The following LRRIQ3 variants were observed in gnomAD, a reference collection of about 807,000 sequenced individuals.
LRRIQ3 encodes the protein leucine rich repeats and IQ motif containing 3, also known as leucine-rich repeat and IQ domain-containing protein 3.
LRRIQ3 carries 75 observed loss-of-function variants against 59.3 expected under a neutral mutation model. That is an observed-to-expected ratio of 1.26 (90% CI 1.05 to 1.53). The LOEUF (loss-of-function observed/expected upper bound fraction) is 1.53, where lower values mean the gene tolerates loss of function less well. Ranked by LOEUF, LRRIQ3 falls within the 40% of genes most tolerant of loss-of-function variation. The probability of loss-of-function intolerance (pLI) is 0.00; values close to 1 mark genes in which losing one functional copy is unlikely to be tolerated. For synonymous variants in LRRIQ3, 250 were observed against 231.3 expected (o/e 1.08, Z -0.73); for missense variants, 831 against 710.0 (o/e 1.17, Z -1.94).
At chr1:74,192,629 T>C (rs1241743792) in intron 1 of LRRIQ3, among the ~76,000 whole-genome samples, 1 of 152,128 alleles carries the variant, frequency 6.6e-6, no homozygotes, top group Non-Finnish European at 1.5e-5. Flanking sequence ...TCTCTATTAA[T>C]ATTCACCTCT....
chr1:74,149,329 T>G (rs1003028070), intron 4 of LRRIQ3, among the ~76,000 whole-genome samples: 2 of 152,196 alleles, frequency 1.3e-5, no homozygotes, highest in Admixed American at 1.3e-4. Flanking sequence ...GAAAAGCACT[T>G]CAAGAATGTG....
Position 74,132,504 on chromosome 1 carries a change from T to C in LRRIQ3, c.708-22951A>G, listed in dbSNP as rs1647041814. On this transcript the variant is annotated intron_variant, in intron 4 of 7. Coordinates refer to ENST00000354431, the MANE Select transcript of LRRIQ3 (RefSeq NM_001105659.2). Reference sequence around the variant, plus strand: ...AGTAACCAAAAGAGCATGGTACTGGTACCAAAACAGAGATATAGACCAATG... The same window carrying C: ...AGTAACCAAAAGAGCATGGTACTGGCACCAAAACAGAGATATAGACCAATG... 2.6e-5 allele frequency among the ~76,000 whole-genome samples: 4 copies of C among 152,094 alleles called. No homozygotes were observed. In the South Asian group the frequency reaches 8.3e-4, roughly 31 times the overall value.
chr1:74,138,352 A>G (rs1272553545), intron 4 of LRRIQ3: 2 of 293,098 alleles, frequency 6.8e-6, no homozygotes, highest in African/African-American at 2.3e-5. Context: ...CAAAAAGTCT[A>G]TTTTCAGCTA....
chr1:74,035,953 C>G (rs895449980), intron 7 of LRRIQ3, among the ~76,000 whole-genome samples: 1 of 152,166 alleles, frequency 6.6e-6, no homozygotes, highest in Non-Finnish European at 1.5e-5. Context: ...AACAATTGTA[C>G]TTCTCCTACT....
chr1:74,086,810 G>C (rs778396176), intron 5 of LRRIQ3, among the ~76,000 whole-genome samples: 9 of 151,962 alleles, frequency 5.9e-5, no homozygotes, highest in Non-Finnish European at 1.0e-4. Context: ...ATGGTGAACA[G>C]ACAACAAAAA....
intron 5 of LRRIQ3, among the ~76,000 whole-genome samples, chr1:74,092,596 G>C (rs746915372): frequency 6.6e-6 from 1 of 151,986 alleles, no homozygotes; most frequent in Admixed American, 6.6e-5. Context: ...TACCGTAATT[G>C]AGTGTGTCTT....
intron 4 of LRRIQ3, among the ~76,000 whole-genome samples, chr1:74,118,854 T>C (rs1646813231): frequency 6.6e-6 from 1 of 152,114 alleles, no homozygotes; most frequent in African/African-American, 2.4e-5. Flanking sequence ...GCAGGGTTTC[T>C]ATGTCGCAGT....
intron 5 of LRRIQ3, chr1:74,082,454 G>A (rs1646283916): frequency 6.6e-6 from 1 of 151,314 alleles, no homozygotes; most frequent in Non-Finnish European, 1.5e-5. Context: ...ATTTAATGAT[G>A]GGCAATAAAA....
rs550643087 is a variant in LRRIQ3 at position 74,153,043 on chromosome 1, G to T, written c.707+2690C>A. 2.5e-4 allele frequency among the ~76,000 whole-genome samples: 38 copies of T among 152,134 alleles called. 2 individuals are homozygous for T. The South Asian group carries it at 7.5e-3, about 30-fold the overall frequency. On this transcript the variant is annotated intron_variant, in intron 4 of 7. Coordinates refer to ENST00000354431, the MANE Select transcript of LRRIQ3 (RefSeq NM_001105659.2). ...ATAATGGATTAATGTACCTAACATG[G>T]TGCTTTACATATATTGCACATTCAA... is the stretch of plus-strand genomic sequence containing the variant.
chr1:74,031,863 T>C (rs1260511075), intron 7 of LRRIQ3, among the ~76,000 whole-genome samples: 1 of 151,970 alleles, frequency 6.6e-6, no homozygotes, highest in Non-Finnish European at 1.5e-5. Context: ...GAAAATAAAA[T>C]CAAGTGATTC....
intron 3 of LRRIQ3, among the ~76,000 whole-genome samples, chr1:74,164,026 C>T (rs1227309511): frequency 6.6e-6 from 1 of 151,196 alleles, no homozygotes; most frequent in African/African-American, 2.4e-5. Context: ...GATTACTTTG[C>T]CATCTGTATA....
At chr1:74,058,933 A>G (rs924478966) in intron 6 of LRRIQ3, among the ~76,000 whole-genome samples, 5 of 152,064 alleles carry the variant, frequency 3.3e-5, no homozygotes, top group African/African-American at 1.2e-4. Flanking sequence ...TGTAATCCAC[A>G]AAGTTTCCAA....
chr1:74,085,333 A>T (rs1370983281), intron 5 of LRRIQ3, among the ~76,000 whole-genome samples: 3 of 151,446 alleles, frequency 2.0e-5, no homozygotes, highest in Non-Finnish European at 3.0e-5. Flanking sequence ...CAAAAAAAAA[A>T]AAAAAAATAA....
At chr1:74,037,116 G>A (rs190326536) in intron 7 of LRRIQ3, among the ~76,000 whole-genome samples, 8 of 152,004 alleles carry the variant, frequency 5.3e-5, no homozygotes, top group African/African-American at 9.6e-5. Flanking sequence ...TGAGGTTCTC[G>A]CCTATTTTCC....
intron 4 of LRRIQ3, among the ~76,000 whole-genome samples, chr1:74,139,096 A>ATT (rs1647181966): frequency 7.3e-6 from 1 of 137,720 alleles, no homozygotes; most frequent in Non-Finnish European, 1.5e-5. Context: ...GTGTGTGTGT[A>ATT]TATATATATA....
At chr1:74,174,498 T>A (rs1202219257) in intron 3 of LRRIQ3, among the ~76,000 whole-genome samples, 3 of 151,396 alleles carry the variant, frequency 2.0e-5, no homozygotes, top group Non-Finnish European at 4.4e-5. Context: ...TTCTCCTGCC[T>A]CAGCCTCCCA....
intron 4 of LRRIQ3, among the ~76,000 whole-genome samples, chr1:74,122,078 T>C (rs1243855899): frequency 6.6e-6 from 1 of 152,126 alleles, no homozygotes; most frequent in East Asian, 1.9e-4. Context: ...GCATGATTTA[T>C]AATCCTTTGG....
chr1:74,047,532 G>A (rs1280071239), intron 6 of LRRIQ3, among the ~76,000 whole-genome samples: 1 of 151,956 alleles, frequency 6.6e-6, no homozygotes, highest in East Asian at 1.9e-4. Flanking sequence ...CATGGCACGT[G>A]TATACCTATG....
intron 1 of LRRIQ3, among the ~76,000 whole-genome samples, chr1:74,185,354 G>A (rs1352481840): frequency 3.3e-5 from 5 of 152,036 alleles, no homozygotes; most frequent in Admixed American, 3.3e-4. Context: ...GGTGAATAAT[G>A]GTATCTCATT....
Sources: gnomAD v4.1 joint callset for allele counts (sites outside exome capture counted in the v4.1 genomes callset) on GRCh38, gnomAD v4.1.1 for gene constraint, MANE v1.5 for transcripts, NCBI Gene and HGNC (gene_info 2026-07-23, HGNC 2026-07-21) for gene names.